DACH1: variants seen among roughly 807,000 people sequenced by gnomAD.
The protein encoded by DACH1 is dachshund homolog 1.
In DACH1, 12 loss-of-function variants were observed where a neutral mutation model predicts 54.2. The ratio of observed to expected loss-of-function variants is 0.22; its 90% CI spans 0.14 to 0.36. DACH1 has a LOEUF of 0.36. DACH1 is among the 10% of genes least tolerant of loss of function. The probability of loss-of-function intolerance (pLI) is 1.00; values close to 1 mark genes in which losing one functional copy is unlikely to be tolerated. For missense variants in DACH1, 805 were observed against 929.8 expected (o/e 0.87, Z 1.75); for synonymous variants, 386 against 366.2 (o/e 1.05, Z -0.62).
At chr13:71,485,062 A>T (rs558345763) in intron 7 of DACH1, among the ~76,000 whole-genome samples, 8 of 142,502 alleles carry the variant, frequency 5.6e-5, no homozygotes, top group South Asian at 4.4e-4. Context: ...TCTTAAATTT[A>T]AAAAAAAAAA....
chr13:71,620,032 C>T (rs1355632180), intron 3 of DACH1, among the ~76,000 whole-genome samples: 1 of 151,832 alleles, frequency 6.6e-6, no homozygotes, highest in African/African-American at 2.4e-5. Flanking sequence ...GGCTGAGATT[C>T]AGATTGCTAA....
rs552644732 is a variant in DACH1, at chr13:71,656,754, G to T, written c.964+25041C>A. Among the ~76,000 whole-genome samples the T allele has an allele frequency of 1.3e-3, 195 of 149,426 alleles. 1 individual carries two copies. Among genetic ancestry groups the T allele is most frequent in the East Asian group, 3.4e-3 (17 of 4,984 alleles). ...TTTTGAATAGTCAATCTGTACCATG[G>T]GAAAGAAGATGAGTTTTCAAGTCAG... On this transcript the variant is annotated intron_variant, in intron 2 of 10. Coordinates refer to ENST00000613252, the MANE Select transcript of DACH1 (RefSeq NM_080759.6).
intron 1 of DACH1, among the ~76,000 whole-genome samples, chr13:71,708,225 A>G (rs1882540405): frequency 1.3e-5 from 2 of 152,150 alleles, no homozygotes; most frequent in South Asian, 4.1e-4. Context: ...TATAACAACA[A>G]AGCAATCAAC....
chr13:71,655,299 T>A (rs1278810634), intron 2 of DACH1, among the ~76,000 whole-genome samples: 1 of 152,004 alleles, frequency 6.6e-6, no homozygotes, highest in African/African-American at 2.4e-5. Flanking sequence ...AATACAGAAA[T>A]CAAGACATCA....
At chr13:71,775,615 G>A (rs1886033699) in intron 1 of DACH1, among the ~76,000 whole-genome samples, 1 of 152,048 alleles carries the variant, frequency 6.6e-6, no homozygotes, top group South Asian at 2.1e-4. Flanking sequence ...CATTGTCTTA[G>A]TTGTAAAATG....
chr13:71,681,994 C>T, intron 1 of DACH1, 84 bp from the exon 2 acceptor site: 1 of 734,358 alleles, frequency 1.4e-6, no homozygotes, highest in Non-Finnish European at 2.2e-6. Context: ...GTAACATGGA[C>T]TGTAAATAAA....
At chr13:71,583,570 C>T (rs1356389223) in intron 3 of DACH1, among the ~76,000 whole-genome samples, 2 of 152,140 alleles carry the variant, frequency 1.3e-5, no homozygotes, top group African/African-American at 2.4e-5. Context: ...TGGTCAGGCA[C>T]AGTGGCTTAC....
intron 6 of DACH1, among the ~76,000 whole-genome samples, chr13:71,522,823 G>A (rs756311198): frequency 7.9e-5 from 12 of 151,988 alleles, no homozygotes; most frequent in African/African-American, 2.9e-4. Flanking sequence ...ATACTATTTC[G>A]CTTTTTGATG....
At chr13:71,451,255 T>C (rs1044929380) in intron 10 of DACH1, among the ~76,000 whole-genome samples, 28 of 152,154 alleles carry the variant, frequency 1.8e-4, no homozygotes, top group African/African-American at 6.8e-4. Flanking sequence ...GCACGTGGCA[T>C]AGGACCCAGA....
rs939207882 is a variant in DACH1 at position 71,559,865 on chromosome 13, C to CGCT, written c.1387_1389dup (p.Ser463dup). ...TCAGTCCGAGCAGGGGAGCTGGACA[C>CGCT]GCTGCTGCTGCGATGTGATGATGGG... On this transcript the variant is annotated inframe_insertion, in exon 5 of 11. Coordinates refer to ENST00000613252, the MANE Select transcript of DACH1 (RefSeq NM_080759.6). The CGCT allele has an allele frequency of 1.2e-6, 2 of 1,613,380 alleles. No homozygotes were observed. The highest frequency in any genetic ancestry group is 1.3e-5 in the African/African-American group (1 of 74,936).
intron 6 of DACH1, among the ~76,000 whole-genome samples, chr13:71,517,868 C>A (rs186886283): frequency 2.6e-5 from 4 of 151,972 alleles, no homozygotes; most frequent in African/African-American, 9.6e-5. Context: ...AATACAAAAA[C>A]AAATTAGTCC....
chr13:71,658,245 T>C (rs1259570210), intron 2 of DACH1, among the ~76,000 whole-genome samples: 1 of 152,204 alleles, frequency 6.6e-6, no homozygotes, highest in Non-Finnish European at 1.5e-5. Context: ...ATGCATTATA[T>C]ATTTCTTATA....
At position 71,866,503 on chromosome 13, in the gene DACH1, G is replaced by A. The variant is rs1273360775; in HGVS notation, c.267C>T (p.Ser89=). The A allele has an allele frequency of 1.6e-6, 2 of 1,222,968 alleles. No individual in the cohort carries two copies. Among genetic ancestry groups the A allele is most frequent in the Non-Finnish European group, 1.0e-6 (1 of 983,352 alleles). The allele number at this position is 1,222,968 out of a possible 1,614,324, so 75.8% of individuals were successfully genotyped here. The change falls in exon 1 of 11, where the codon AGC becomes AGT. Residue 89 remains serine (S), a synonymous_variant. Transcript: ENST00000613252. ...CGCCGCCACCGCCGCCTCCGTTGCCGCTGCTGCCGCCGCCGCCTCCGCTGC... is the reference window on the plus strand; with the variant it reads ...CGCCGCCACCGCCGCCTCCGTTGCCACTGCTGCCGCCGCCGCCTCCGCTGC... ...GGGSGGGGGS[S]GNGGGGGGGG... is the part of the protein sequence containing the mutation.
In DACH1 at chr13:71,784,440, G is replaced by A. The variant is rs192462662; in HGVS notation, c.848+81482C>T. On this transcript the variant is annotated intron_variant, in intron 1 of 10. Coordinates refer to ENST00000613252, the MANE Select transcript of DACH1 (RefSeq NM_080759.6). Reference sequence around the variant, plus strand: ...TTTTGTAGAAAAATTCATTATTTTCGCTCTGAATTGGTATACAACAATGCA... The same window carrying A: ...TTTTGTAGAAAAATTCATTATTTTCACTCTGAATTGGTATACAACAATGCA... Among the ~76,000 whole-genome samples, 165 of 151,992 alleles carry A rather than the reference G, an allele frequency of 1.1e-3. 1 individual carries two copies. The highest frequency in any genetic ancestry group is 2.3e-3 in the South Asian group (11 of 4,816).
intron 1 of DACH1, among the ~76,000 whole-genome samples, chr13:71,818,837 A>G (rs1334499688): frequency 3.3e-5 from 5 of 152,210 alleles, no homozygotes; most frequent in African/African-American, 1.2e-4. Context: ...GTCTATCAAT[A>G]TATAGCAAGT....
At chr13:71,820,911 C>A (rs1888159537) in intron 1 of DACH1, among the ~76,000 whole-genome samples, 1 of 152,060 alleles carries the variant, frequency 6.6e-6, no homozygotes, top group Non-Finnish European at 1.5e-5. Flanking sequence ...CCTCATCACA[C>A]CCTCAATCAT....
At chr13:71,516,029 G>A (rs554345827) in intron 6 of DACH1, among the ~76,000 whole-genome samples, 1 of 151,958 alleles carries the variant, frequency 6.6e-6, no homozygotes, top group East Asian at 1.9e-4. Context: ...GAAACAATAA[G>A]CACGTTGGTA....
chr13:71,472,228 C>T (rs1877143590), intron 10 of DACH1, among the ~76,000 whole-genome samples: 1 of 152,136 alleles, frequency 6.6e-6, no homozygotes, highest in Admixed American at 6.5e-5. Flanking sequence ...AGAATCTACC[C>T]TGCGTACTAT....
At chr13:71,577,414 A>G (rs1885596926) in intron 3 of DACH1, among the ~76,000 whole-genome samples, 1 of 152,164 alleles carries the variant, frequency 6.6e-6, no homozygotes, top group African/African-American at 2.4e-5. Flanking sequence ...CTGTCCTTTC[A>G]CTAGAATGAT....
Sources: allele counts gnomAD v4.1 joint callset (sites outside exome capture counted in the v4.1 genomes callset), GRCh38; gene constraint gnomAD v4.1.1; transcripts MANE v1.5; gene names NCBI Gene and HGNC (gene_info 2026-07-23, HGNC 2026-07-21).